The following NCAPG2 variants were observed in gnomAD, a reference collection of about 807,000 sequenced individuals.
NCAPG2 encodes the protein condensin-2 complex subunit G2.
In NCAPG2, 53 loss-of-function variants were observed where a neutral mutation model predicts 141.1. That is an observed-to-expected ratio of 0.38 (90% CI 0.30 to 0.47). The LOEUF is 0.47. Ranked by LOEUF, NCAPG2 falls within the 20% of genes least tolerant of loss-of-function variation. NCAPG2 has a pLI of 0.99. For synonymous variants in NCAPG2, 499 were observed against 490.7 expected (o/e 1.02, Z -0.22); for missense variants, 1,087 against 1,389.0 (o/e 0.78, Z 3.46).
In NCAPG2 at chr7:158,656,417, T is replaced by A; in HGVS notation, c.2231A>T (p.Lys744Ile). ...TGTGTCATGGATCTGCACCCTACCT[T>A]TAGAAGCTGTGTTGCTCTGAAAGAA... ...HAQAKSNTASKGRVQIHDTRP... is the reference protein window; with the variant it reads ...HAQAKSNTASIGRVQIHDTRP... Residue 744 changes from lysine (K) to isoleucine (I), a missense_variant, in exon 19 of 28, where the codon AAA (lysine) becomes ATA (isoleucine). Physicochemically the swap from Lys to Ile is moderately radical, Grantham distance 102. Transcript: ENST00000356309. The A allele has an allele frequency of 6.2e-7, 1 of 1,613,924 alleles. No homozygotes were observed. Among genetic ancestry groups the A allele is most frequent in the African/African-American group, 1.3e-5 (1 of 75,032 alleles).
rs1164646011 is a variant in NCAPG2, at chr7:158,633,565, C to A, written c.3381-1848G>T. 6.6e-6 allele frequency among the ~76,000 whole-genome samples: 1 copy of A among 152,278 alleles called. No individual in the cohort carries two copies. The highest frequency in any genetic ancestry group is 6.5e-5 in the Admixed American group (1 of 15,298). ...CTCTCCCAGCCTCGCTGGGCCTCTA[C>A]TGGACCTGCTGCCTCAGGGTCTCCT... On this transcript the variant is annotated intron_variant, in intron 27 of 27. Transcript: ENST00000356309. The surrounding 1 kb of genome is among the most constrained non-coding windows in gnomAD (Gnocchi z 4.1).
At chr7:158,672,314 ATATATATATATATATTTTTTTTTTTTT>A (rs1563549527) in intron 12 of NCAPG2, among the ~76,000 whole-genome samples, 14 of 34,372 alleles carry the variant, frequency 4.1e-4, no homozygotes, top group African/African-American at 1.3e-3. Context: ...ATATATATAT[ATATATATATATATATTTTTTTTTTTTT>A]TTTTTTTTTT....
At chr7:158,667,116 C>T (rs1833024595) in intron 13 of NCAPG2, 1 of 983,166 alleles carries the variant, frequency 1.0e-6, no homozygotes, top group South Asian at 4.7e-5. Context: ...GGGAAATTAG[C>T]TTGCATGCTC....
chr7:158,635,007 C>T (rs539308913), intron 27 of NCAPG2, among the ~76,000 whole-genome samples: 33 of 152,300 alleles, frequency 2.2e-4, no homozygotes, highest in South Asian at 6.2e-4. Context: ...ATGTGTCAAA[C>T]ACGAGGACTC....
intron 24 of NCAPG2, among the ~76,000 whole-genome samples, chr7:158,649,924 A>C (rs1831354484): frequency 6.6e-6 from 1 of 152,260 alleles, no homozygotes; most frequent in Non-Finnish European, 1.5e-5. Flanking sequence ...CATCCTGATT[A>C]TAACATCCTT....
chr7:158,677,236 A>G (rs1834113526), intron 11 of NCAPG2, among the ~76,000 whole-genome samples: 1 of 152,178 alleles, frequency 6.6e-6, no homozygotes, highest in Non-Finnish European at 1.5e-5. Flanking sequence ...GCCTCCAGAA[A>G]AGCAAAAGAA....
Position 158,650,831 on chromosome 7 carries a change from C to A in NCAPG2, c.3075+1G>T. On this transcript the variant is annotated splice_donor_variant, in intron 24 of 27. Transcript: ENST00000356309. LOFTEE classifies it high-confidence loss of function. The stretch of plus-strand genomic sequence containing the variant: ...GCAGTTTCAGGATTAAAGCACTTCA[C>A]CTTCCGTAGCTGGTGACTTATCTCA... 6.2e-7 allele frequency: 1 copy of A among 1,609,366 alleles called. No individual in the cohort carries two copies. The highest frequency in any genetic ancestry group is 1.1e-5 in the South Asian group (1 of 90,098).
chr7:158,672,324 ATATAT>A (rs1833779171), intron 12 of NCAPG2, among the ~76,000 whole-genome samples: 1 of 45,098 alleles, frequency 2.2e-5, no homozygotes, highest in African/African-American at 8.2e-5. Flanking sequence ...ATATATATAT[ATATAT>A]TTTTTTTTTT....
chr7:158,678,207 A>C (rs1422699175), intron 11 of NCAPG2, among the ~76,000 whole-genome samples: 1 of 152,194 alleles, frequency 6.6e-6, no homozygotes, highest in Non-Finnish European at 1.5e-5. Context: ...AGGATACAGG[A>C]AATAACCACT....
chr7:158,654,192 C>T (rs978024357), intron 22 of NCAPG2, among the ~76,000 whole-genome samples: 4 of 152,208 alleles, frequency 2.6e-5, no homozygotes, highest in African/African-American at 4.8e-5. Context: ...CAGCAACTTC[C>T]GGGGGTCCTG....
chr7:158,673,353 G>A (rs570104669), intron 12 of NCAPG2, among the ~76,000 whole-genome samples: 5 of 152,310 alleles, frequency 3.3e-5, no homozygotes, highest in African/African-American at 1.2e-4. Context: ...CATCAGAAAT[G>A]AAGCACTCAC....
rs764399028 is a variant in NCAPG2, at chr7:158,655,323, C to T, written c.2505+16G>A. ...CACTGTGTATCATCCTAATAGAGGG[C>T]CAGGAGCAGGCACACCTTGTGCTGA... On this transcript the variant is annotated intron_variant, in intron 20 of 27. Transcript: ENST00000356309. 2 of 1,614,094 alleles carry T rather than the reference C, an allele frequency of 1.2e-6. No homozygotes were observed. The highest frequency in any genetic ancestry group is 1.7e-6 in the Non-Finnish European group (2 of 1,179,990).
intron 2 of NCAPG2, among the ~76,000 whole-genome samples, chr7:158,701,300 C>A (rs1835771060): frequency 6.6e-6 from 1 of 152,222 alleles, no homozygotes; most frequent in Admixed American, 6.5e-5. Context: ...ATATTTCTCA[C>A]TTGTAGTCAG....
chr7:158,638,140 G>C (rs1830415422), intron 27 of NCAPG2, among the ~76,000 whole-genome samples: 2 of 152,038 alleles, frequency 1.3e-5, no homozygotes, highest in Non-Finnish European at 2.9e-5. Flanking sequence ...GGAGACTCTT[G>C]TCTCAAAAAC....
chr7:158,656,781 C>T (rs1832013301), intron 17 of NCAPG2, 76 bp from the exon 18 acceptor site: 1 of 1,518,808 alleles, frequency 6.6e-7, no homozygotes, highest in Non-Finnish European at 8.9e-7. Flanking sequence ...GTGAGGAAAA[C>T]CAAGAAGCTA....
At chr7:158,651,022 G>C in intron 23 of NCAPG2, 50 bp from the exon 24 acceptor site, 2 of 1,505,548 alleles carry the variant, frequency 1.3e-6, no homozygotes, top group Non-Finnish European at 1.8e-6. Flanking sequence ...CCATGGTTTT[G>C]AAAAAAACAA....
chr7:158,677,012 C>T (rs1362371761), intron 11 of NCAPG2, among the ~76,000 whole-genome samples: 1 of 152,058 alleles, frequency 6.6e-6, no homozygotes, highest in Non-Finnish European at 1.5e-5. Context: ...ACATCAGCCC[C>T]GAACCCAGAG....
intron 1 of NCAPG2, chr7:158,703,672 G>A (rs1040365280): frequency 2.0e-5 from 3 of 152,256 alleles, no homozygotes; most frequent in Admixed American, 1.3e-4. Context: ...AGTCCGAAGA[G>A]CAGGTTACTC....
At chr7:158,659,840 G>A (rs1188216579) in intron 16 of NCAPG2, among the ~76,000 whole-genome samples, 3 of 152,224 alleles carry the variant, frequency 2.0e-5, no homozygotes, top group Non-Finnish European at 4.4e-5. Flanking sequence ...GGCTGGGCAC[G>A]GTGGCTCACG....
Sources: gnomAD v4.1 joint callset for allele counts (sites outside exome capture counted in the v4.1 genomes callset) on GRCh38, gnomAD v4.1.1 for gene constraint, Gnocchi (gnomAD v3.1) non-coding constraint, MANE v1.5 for transcripts, NCBI Gene and HGNC (gene_info 2026-07-23, HGNC 2026-07-21) for gene names.